Variants in FHL5 observed in about 807,000 individuals in gnomAD.
FHL5 encodes the protein four and a half LIM domains protein 5.
FHL5 carries 33 observed loss-of-function variants against 32.0 expected under a neutral mutation model. The ratio of observed to expected loss-of-function variants is 1.03; its 90% CI spans 0.78 to 1.38. The LOEUF (loss-of-function observed/expected upper bound fraction) is 1.38. FHL5 is among the 40% of genes most tolerant of loss of function. The pLI is 0.00. For missense variants in FHL5, 336 were observed against 343.9 expected (o/e 0.98, Z 0.18); for synonymous variants, 114 against 113.6 (o/e 1.00, Z -0.02).
chr6:96,570,204 G>T (rs1033817973), intron 1 of FHL5, among the ~76,000 whole-genome samples: 2 of 152,010 alleles, frequency 1.3e-5, no homozygotes, highest in African/African-American at 4.8e-5. Flanking sequence ...ACCTCGAGAA[G>T]GCTTTATTTC....
At chr6:96,576,334 A>G (rs1360072360) in intron 1 of FHL5, among the ~76,000 whole-genome samples, 1 of 152,232 alleles carries the variant, frequency 6.6e-6, no homozygotes, top group Non-Finnish European at 1.5e-5. Flanking sequence ...TGGCAAACAT[A>G]GTATCTTCCC....
chr6:96,575,473 T>C (rs980666881), intron 1 of FHL5, among the ~76,000 whole-genome samples: 1 of 152,208 alleles, frequency 6.6e-6, no homozygotes, highest in Admixed American at 6.5e-5. Flanking sequence ...GTAGAGAGCC[T>C]GGATCTTACA....
chr6:96,610,822 A>C (rs1248162489), intron 5 of FHL5, 64 bp downstream of exon 5: 2 of 1,191,588 alleles, frequency 1.7e-6, no homozygotes, highest in African/African-American at 3.0e-5. Flanking sequence ...AACACTATCT[A>C]GTTAATTTAG....
intron 4 of FHL5, among the ~76,000 whole-genome samples, chr6:96,608,708 G>T (rs753645065): frequency 3.7e-4 from 56 of 152,184 alleles, no homozygotes; most frequent in Admixed American, 9.8e-4. Context: ...AATCATTATT[G>T]CCCCCACTTT....
At chr6:96,575,822 T>C (rs746400656) in intron 1 of FHL5, among the ~76,000 whole-genome samples, 3 of 152,226 alleles carry the variant, frequency 2.0e-5, no homozygotes, top group Non-Finnish European at 2.9e-5. Context: ...GACTTTTAGT[T>C]AACAGAATAC....
intron 5 of FHL5, among the ~76,000 whole-genome samples, chr6:96,614,917 T>G (rs211161): frequency 0.98 from 149,735 of 152,278 alleles, 73,623 homozygotes; most frequent in East Asian, 1. Flanking sequence ...ACCAATCACG[T>G]GATAACGTGG....
intron 1 of FHL5, among the ~76,000 whole-genome samples, chr6:96,575,914 G>C (rs1368698113): frequency 6.6e-6 from 1 of 152,228 alleles, no homozygotes; most frequent in African/African-American, 2.4e-5. Flanking sequence ...GCAATGTGTA[G>C]TTAAGTTTTT....
intron 1 of FHL5, among the ~76,000 whole-genome samples, 159 bp from the exon 2 acceptor site, chr6:96,603,443 T>A (rs1771198052): frequency 6.6e-6 from 1 of 152,206 alleles, no homozygotes; most frequent in Non-Finnish European, 1.5e-5. Context: ...ACTCCAAATG[T>A]CACCATGACT....
At chr6:96,588,340 G>A (rs1174768295) in intron 1 of FHL5, among the ~76,000 whole-genome samples, 4 of 151,924 alleles carry the variant, frequency 2.6e-5, no homozygotes, top group Non-Finnish European at 5.9e-5. Context: ...CCTCCCAACT[G>A]GCTGGGATTA....
rs930068396 is a variant in FHL5 at position 96,617,207 on chromosome 6, G to A, written c.*1435G>A. 2.0e-5 allele frequency among the ~76,000 whole-genome samples: 3 copies of A among 152,178 alleles called. No individual in the cohort carries two copies. The highest frequency in any genetic ancestry group is 1.3e-4 in the Admixed American group (2 of 15,274). Reference sequence around the variant, plus strand: ...CTCTCCATGATCTGTTTTCACATTGGTTATAGCATCTCTTGGATGGAGTAG... The same window carrying A: ...CTCTCCATGATCTGTTTTCACATTGATTATAGCATCTCTTGGATGGAGTAG... On this transcript the variant is annotated 3_prime_UTR_variant, in exon 6 of 6. Transcript: ENST00000450218.
chr6:96,577,406 AATAC>A (rs1770606268), intron 1 of FHL5, among the ~76,000 whole-genome samples: 1 of 152,018 alleles, frequency 6.6e-6, no homozygotes, highest in South Asian at 2.1e-4. Flanking sequence ...CATTCTCACA[AATAC>A]ATACACACAG....
intron 5 of FHL5, among the ~76,000 whole-genome samples, chr6:96,613,297 T>C (rs1290632380): frequency 6.6e-6 from 1 of 152,176 alleles, no homozygotes; most frequent in African/African-American, 2.4e-5. Flanking sequence ...AATCACCAAG[T>C]GTAATTTTTA....
At chr6:96,571,573 C>A (rs1476351917) in intron 1 of FHL5, among the ~76,000 whole-genome samples, 1 of 152,120 alleles carries the variant, frequency 6.6e-6, no homozygotes, top group African/African-American at 2.4e-5. Context: ...AGCTTCACCC[C>A]TTGTGGCAGG....
rs1342337719 is a variant in FHL5 at position 96,617,819 on chromosome 6, C to G, written c.*2047C>G. Among the ~76,000 whole-genome samples the G allele has an allele frequency of 6.6e-6, 1 of 152,116 alleles. No homozygotes were observed. Among genetic ancestry groups the G allele is most frequent in the Non-Finnish European group, 1.5e-5 (1 of 68,020 alleles). On this transcript the variant is annotated 3_prime_UTR_variant, in exon 6 of 6. Coordinates refer to ENST00000450218, the MANE Select transcript of FHL5 (RefSeq NM_001322466.2). ...GCACATGATCAGACTTGTATTCTAG[C>G]TTTACAATTAAAATTCACAGAATCA...
At chr6:96,590,999 G>C (rs1036011390) in intron 1 of FHL5, among the ~76,000 whole-genome samples, 27 of 151,894 alleles carry the variant, frequency 1.8e-4, no homozygotes, top group African/African-American at 6.0e-4. Context: ...TTTGGGTTTG[G>C]GTTTTGTATT....
intron 1 of FHL5, among the ~76,000 whole-genome samples, chr6:96,602,417 G>A (rs1771167654): frequency 8.8e-6 from 1 of 113,790 alleles, no homozygotes; most frequent in Non-Finnish European, 1.8e-5. Flanking sequence ...AAATCTATAT[G>A]CGTTGTTTCT....
intron 4 of FHL5, among the ~76,000 whole-genome samples, chr6:96,609,212 AATAAC>A (rs1431637111): frequency 2.6e-5 from 4 of 152,216 alleles, no homozygotes; most frequent in African/African-American, 9.6e-5. Context: ...GTAACAGACA[AATAAC>A]ATTTTTGAGT....
Position 96,603,812 on chromosome 6 carries a change from C to T in FHL5, c.159+40C>T, listed in dbSNP as rs113497082. 1.4e-5 allele frequency: 22 copies of T among 1,546,936 alleles called. No homozygotes were observed. In the African/African-American group the frequency reaches 1.5e-4, roughly 11 times the overall value. ...AATTTACAGAATTACTGCCTATGAA[C>T]AGCAAACAAGTGGGTTGGAGTGCCT... On this transcript the variant is annotated intron_variant, in intron 2 of 5. Coordinates refer to ENST00000450218, the MANE Select transcript of FHL5 (RefSeq NM_001322466.2).
At chr6:96,598,190 C>T (rs2127970053) in intron 1 of FHL5, among the ~76,000 whole-genome samples, 1 of 152,248 alleles carries the variant, frequency 6.6e-6, no homozygotes, top group Admixed American at 6.5e-5. Context: ...TTCTCACAGC[C>T]AAAACACTAG....
Sources: allele counts gnomAD v4.1 joint callset (sites outside exome capture counted in the v4.1 genomes callset), GRCh38; gene constraint gnomAD v4.1.1; transcripts MANE v1.5; gene names NCBI Gene and HGNC (gene_info 2026-07-23, HGNC 2026-07-21).